The following DGKB variants were observed in gnomAD, a reference collection of about 807,000 sequenced individuals.
DGKB encodes the protein 90 kDa diacylglycerol kinase.
DGKB carries 67 observed loss-of-function variants against 114.3 expected under a neutral mutation model. The ratio of observed to expected loss-of-function variants is 0.59; its 90% confidence interval spans 0.48 to 0.72. The LOEUF (loss-of-function observed/expected upper bound fraction) is 0.72. Among genes scored for constraint, DGKB ranks in the 30% least tolerant of loss-of-function variants. The probability of loss-of-function intolerance (pLI) is 0.00; values close to 1 mark genes in which losing one functional copy is unlikely to be tolerated. For missense variants in DGKB, 907 were observed against 975.2 expected (o/e 0.93, Z 0.93); for synonymous variants, 398 against 323.1 (o/e 1.23, Z -2.49).
At chr7:14,328,603 G>T (rs1421035409) in intron 23 of DGKB, among the ~76,000 whole-genome samples, 1 of 151,938 alleles carries the variant, frequency 6.6e-6, no homozygotes, top group South Asian at 2.1e-4. Context: ...ATCTTTCAGA[G>T]CTTGAGCAGG....
intron 17 of DGKB, among the ~76,000 whole-genome samples, chr7:14,584,881 T>C (rs1800506789): frequency 6.6e-6 from 1 of 151,844 alleles, no homozygotes; most frequent in African/African-American, 2.4e-5. Flanking sequence ...GCTGGTCTCA[T>C]ACTGTTGACC....
At chr7:14,345,868 A>G (rs1214803045) in intron 21 of DGKB, among the ~76,000 whole-genome samples, 1 of 151,686 alleles carries the variant, frequency 6.6e-6, no homozygotes, top group African/African-American at 2.4e-5. Flanking sequence ...TTAATCTTAA[A>G]GTAAAAGACT....
At chr7:14,565,191 T>G (rs767753004) in intron 20 of DGKB, among the ~76,000 whole-genome samples, 3 of 152,046 alleles carry the variant, frequency 2.0e-5, no homozygotes, top group African/African-American at 7.2e-5. Flanking sequence ...TACTGAAAAT[T>G]TTTCCACCAT....
intron 15 of DGKB, among the ~76,000 whole-genome samples, chr7:14,613,807 A>G (rs1271702909): frequency 6.6e-6 from 1 of 152,086 alleles, no homozygotes; most frequent in Non-Finnish European, 1.5e-5. Context: ...CAACTTATAG[A>G]GAGGCCTCCT....
intron 21 of DGKB, among the ~76,000 whole-genome samples, chr7:14,381,155 G>T (rs1397617243): frequency 1.3e-5 from 2 of 152,202 alleles, no homozygotes; most frequent in Non-Finnish European, 2.9e-5. Flanking sequence ...AAACTCCAGT[G>T]TTGGAACCTG....
intron 21 of DGKB, among the ~76,000 whole-genome samples, chr7:14,367,800 G>C (rs921429944): frequency 2.6e-5 from 4 of 151,962 alleles, no homozygotes; most frequent in Non-Finnish European, 5.9e-5. Flanking sequence ...CAGGGTGGCA[G>C]GAGAGACAGA....
At chr7:14,798,574 G>A (rs781692320) in intron 2 of DGKB, among the ~76,000 whole-genome samples, 13 of 152,272 alleles carry the variant, frequency 8.5e-5, no homozygotes, top group South Asian at 4.1e-4. Context: ...CAAAGGGGGA[G>A]TTTTCCCTTG....
intron 21 of DGKB, among the ~76,000 whole-genome samples, chr7:14,432,076 T>C (rs1828531222): frequency 6.6e-6 from 1 of 152,192 alleles, no homozygotes; most frequent in South Asian, 2.1e-4. Context: ...ATTTACATTT[T>C]TATTTCTGTT....
At chr7:14,711,158 T>G (rs1464874153) in intron 6 of DGKB, among the ~76,000 whole-genome samples, 1 of 152,240 alleles carries the variant, frequency 6.6e-6, no homozygotes, top group South Asian at 2.1e-4. Flanking sequence ...CTGAAGAAAC[T>G]AATATTTTAA....
intron 25 of DGKB, among the ~76,000 whole-genome samples, chr7:14,150,774 G>T (rs1426809259): frequency 6.6e-6 from 1 of 152,070 alleles, no homozygotes; most frequent in Admixed American, 6.6e-5. Context: ...CAGCATTAGA[G>T]TATACTGTAC....
intron 21 of DGKB, among the ~76,000 whole-genome samples, chr7:14,364,442 C>T (rs112478157): frequency 1.3e-5 from 2 of 150,846 alleles, no homozygotes; most frequent in African/African-American, 2.4e-5. Context: ...AAGGAAGGAA[C>T]GAAGGAAGGG....
chr7:14,656,386 A>G (rs1815788976), intron 13 of DGKB, among the ~76,000 whole-genome samples: 1 of 150,642 alleles, frequency 6.6e-6, no homozygotes. Context: ...TTGGATATTT[A>G]AATTTTGGTT....
intron 14 of DGKB, among the ~76,000 whole-genome samples, chr7:14,627,814 G>A (rs1253933067): frequency 6.6e-6 from 1 of 151,656 alleles, no homozygotes; most frequent in African/African-American, 2.4e-5. Context: ...GTGGTCACGT[G>A]CGCCTATGAT....
At chr7:14,224,004 T>C (rs370957502) in intron 23 of DGKB, among the ~76,000 whole-genome samples, 7 of 151,788 alleles carry the variant, frequency 4.6e-5, no homozygotes, top group African/African-American at 1.7e-4. Flanking sequence ...ACTATGTGTG[T>C]ATGTGTGGAT....
chr7:14,828,195 T>C (rs1285132428), intron 2 of DGKB, among the ~76,000 whole-genome samples: 1 of 151,978 alleles, frequency 6.6e-6, no homozygotes, highest in Non-Finnish European at 1.5e-5. Context: ...CTTAGGAAAA[T>C]GGAACCAATT....
At chr7:14,319,773 A>G (rs73054215) in intron 23 of DGKB, among the ~76,000 whole-genome samples, 29,930 of 152,186 alleles carry the variant, frequency 0.2, 3,793 homozygotes, top group Non-Finnish European at 0.28. Flanking sequence ...GGTCTATAGT[A>G]TGTCAGGACA....
intron 13 of DGKB, among the ~76,000 whole-genome samples, chr7:14,656,599 C>A (rs1173229816): frequency 6.6e-6 from 1 of 151,320 alleles, no homozygotes; most frequent in Non-Finnish European, 1.5e-5. Context: ...AGCTGAACTT[C>A]CAATTCATGT....
At chr7:14,258,929 C>G (rs946420079) in intron 23 of DGKB, among the ~76,000 whole-genome samples, 2 of 151,964 alleles carry the variant, frequency 1.3e-5, no homozygotes, top group African/African-American at 4.8e-5. Flanking sequence ...TTTTTCAAAA[C>G]AGGAAAATTT....
intron 1 of DGKB, among the ~76,000 whole-genome samples, chr7:14,887,082 T>C (rs2128221040): frequency 6.6e-6 from 1 of 152,046 alleles, no homozygotes; most frequent in South Asian, 2.1e-4. Context: ...GTGTCATATT[T>C]AAAAGATTTC....
Sources: allele counts gnomAD v4.1 joint callset (sites outside exome capture counted in the v4.1 genomes callset), GRCh38; gene constraint gnomAD v4.1.1; transcripts MANE v1.5; gene names NCBI Gene and HGNC (gene_info 2026-07-23, HGNC 2026-07-21).